Variants in DPY19L1 observed in about 807,000 individuals in gnomAD.
DPY19L1 encodes protein C-mannosyl-transferase DPY19L1.
Under a neutral mutation model 96.9 loss-of-function variants are expected in DPY19L1, and 35 were observed. The ratio of observed to expected loss-of-function variants is 0.36; its 90% confidence interval spans 0.28 to 0.48. The LOEUF (loss-of-function observed/expected upper bound fraction) is 0.48, where lower values mean the gene tolerates loss of function less well. DPY19L1 is among the 20% of genes least tolerant of loss of function. DPY19L1 has a pLI of 0.99. For missense variants in DPY19L1, 521 were observed against 777.9 expected, an observed-to-expected ratio of 0.67 and a Z score of 3.93; for synonymous variants, 205 against 252.6, an observed-to-expected ratio of 0.81 and a Z score of 1.79.
intron 10 of DPY19L1, among the ~76,000 whole-genome samples, chr7:34,960,450 T>A (rs1784478920): frequency 1.3e-5 from 2 of 152,296 alleles, no homozygotes. Context: ...ATTTTGATTG[T>A]TTGTATACAG....
At chr7:34,957,962 A>C (rs201101712) in intron 11 of DPY19L1, 22 bp downstream of exon 11, 1 of 1,473,880 alleles carries the variant, frequency 6.8e-7, no homozygotes, top group Non-Finnish European at 9.3e-7. Context: ...AAACAGCCAT[A>C]TAAGTGTTAA....
chr7:35,010,102 C>T (rs910279057), intron 6 of DPY19L1, among the ~76,000 whole-genome samples: 3 of 151,892 alleles, frequency 2.0e-5, no homozygotes, highest in African/African-American at 7.3e-5. Flanking sequence ...TGGTGGCGTG[C>T]ACCTATAGTC....
At chr7:34,945,799 A>G (rs1784133011) in intron 15 of DPY19L1, 83 bp from the exon 16 acceptor site, 2 of 892,872 alleles carry the variant, frequency 2.2e-6, no homozygotes, top group South Asian at 1.5e-5. Context: ...AAACTGTAAA[A>G]TAACTTTTAA....
chr7:35,027,044 A>T (rs1293544462), intron 1 of DPY19L1, among the ~76,000 whole-genome samples: 1 of 152,034 alleles, frequency 6.6e-6, no homozygotes, highest in Non-Finnish European at 1.5e-5. Context: ...AAAATACAAA[A>T]AATTTAGCTG....
At chr7:34,946,236 T>C (rs901019425) in intron 15 of DPY19L1, among the ~76,000 whole-genome samples, 26 of 152,176 alleles carry the variant, frequency 1.7e-4, no homozygotes, top group African/African-American at 6.3e-4. Context: ...ACAAATATTC[T>C]CTACAACACT....
rs1784234026 is a variant in DPY19L1, at chr7:34,949,865, A to G, written c.1354T>C (p.Phe452Leu). 1 of 1,601,084 alleles carries G rather than the reference A, an allele frequency of 6.2e-7. No individual in the cohort carries two copies. The change falls in exon 14 of 22, where the codon TTT becomes CTT. Residue 452 changes from phenylalanine (F) to leucine (L), a missense_variant. Coordinates refer to ENST00000638088, the MANE Select transcript of DPY19L1 (RefSeq NM_001366673.1). Reference protein sequence around the residue: ...HIGNLLTSKFFSYKDFDTLLY... With the variant: ...HIGNLLTSKFLSYKDFDTLLY... ...AAAGTATCAAAATCCTTATAACTAA[A>G]GAATTTTGATGTTAGTAAGTTGCCA...
intron 21 of DPY19L1, among the ~76,000 whole-genome samples, chr7:34,934,147 T>C (rs930795000): frequency 2.0e-5 from 3 of 151,946 alleles, no homozygotes; most frequent in African/African-American, 4.8e-5. Flanking sequence ...GTATTTTTAG[T>C]AGACATAAGG....
intron 17 of DPY19L1, 49 bp downstream of exon 17, chr7:34,942,566 T>C (rs1784045165): frequency 3.5e-6 from 5 of 1,437,692 alleles, no homozygotes; most frequent in Non-Finnish European, 4.8e-6. Context: ...AAAGTCCAAA[T>C]GCATGCAACT....
chr7:34,932,785 G>T (rs1783783374), intron 21 of DPY19L1, among the ~76,000 whole-genome samples: 1 of 151,950 alleles, frequency 6.6e-6, no homozygotes, highest in Non-Finnish European at 1.5e-5. Context: ...ACCTTTTGAG[G>T]AATTTTAAAA....
chr7:34,979,343 C>A (rs1302319463), intron 7 of DPY19L1, among the ~76,000 whole-genome samples: 1 of 151,968 alleles, frequency 6.6e-6, no homozygotes, highest in Admixed American at 6.6e-5. Context: ...ATTCTGACTA[C>A]AAAATGAAAG....
chr7:34,985,328 G>A (rs1320362312), intron 7 of DPY19L1, among the ~76,000 whole-genome samples: 1 of 152,066 alleles, frequency 6.6e-6, no homozygotes, highest in African/African-American at 2.4e-5. Context: ...AGCCAAATAG[G>A]ATTGCGTCAA....
intron 8 of DPY19L1, among the ~76,000 whole-genome samples, chr7:34,972,450 T>C (rs1637684): frequency 0.6 from 91,449 of 151,876 alleles, 27,954 homozygotes; most frequent in Admixed American, 0.73. Flanking sequence ...GGTTTGCCTT[T>C]GCTGGATTTA....
chr7:35,036,682 T>C (rs1786409433), intron 1 of DPY19L1, among the ~76,000 whole-genome samples: 1 of 152,128 alleles, frequency 6.6e-6, no homozygotes, highest in African/African-American at 2.4e-5. Context: ...TGCGTTTGCT[T>C]TGAGCTCCAC....
At chr7:34,999,997 G>A (rs1785384691) in intron 6 of DPY19L1, among the ~76,000 whole-genome samples, 1 of 152,178 alleles carries the variant, frequency 6.6e-6, no homozygotes, top group Admixed American at 6.5e-5. Flanking sequence ...GATGGGGCAA[G>A]GGACCACTGA....
intron 6 of DPY19L1, among the ~76,000 whole-genome samples, chr7:35,003,485 TAA>T (rs1221734698): frequency 3.3e-5 from 5 of 152,242 alleles, no homozygotes; most frequent in Non-Finnish European, 7.3e-5. Flanking sequence ...TGGCATCAGT[TAA>T]AGACACTTAT....
chr7:34,931,865 A>G (rs546169040), intron 21 of DPY19L1, 136 bp from the exon 22 acceptor site: 1 of 1,301,266 alleles, frequency 7.7e-7, no homozygotes, highest in South Asian at 1.7e-5. Flanking sequence ...ATCCTGTTAC[A>G]TAGCTATTTA....
intron 16 of DPY19L1, among the ~76,000 whole-genome samples, chr7:34,944,311 C>T (rs900043173): frequency 2.1e-5 from 3 of 143,746 alleles, no homozygotes; most frequent in East Asian, 2.1e-4. Context: ...TGCAGTGAGC[C>T]GAGATCGTGC....
intron 1 of DPY19L1, among the ~76,000 whole-genome samples, chr7:35,034,046 G>T (rs377343406): frequency 6.6e-6 from 1 of 152,208 alleles, no homozygotes; most frequent in African/African-American, 2.4e-5. Context: ...GGTTATAGCA[G>T]GTGTACCCTT....
intron 14 of DPY19L1, among the ~76,000 whole-genome samples, chr7:34,949,147 A>G (rs1010987340): frequency 1.2e-4 from 18 of 152,230 alleles, no homozygotes; most frequent in African/African-American, 3.4e-4. Flanking sequence ...ACCAGCTCAT[A>G]AAGTATTGCA....
Sources: gnomAD v4.1 joint callset for allele counts (sites outside exome capture counted in the v4.1 genomes callset) on GRCh38, gnomAD v4.1.1 for gene constraint, MANE v1.5 for transcripts, NCBI Gene and HGNC (gene_info 2026-07-23, HGNC 2026-07-21) for gene names.